The following MRPL44 variants were observed in gnomAD, a reference collection of about 807,000 sequenced individuals.
MRPL44 encodes the protein large ribosomal subunit protein mL44.
Under a neutral mutation model 25.9 loss-of-function variants are expected in MRPL44, and 21 were observed. The observed-to-expected ratio is 0.81, with a 90% CI of 0.58 to 1.17. MRPL44 has a LOEUF of 1.17. Among genes scored for constraint, MRPL44 ranks in the 50% most tolerant of loss-of-function variants. The pLI, the probability that MRPL44 is intolerant of heterozygous loss-of-function variation, is 0.00. For missense variants in MRPL44, 410 were observed against 398.9 expected, an observed-to-expected ratio of 1.03 and a Z score of -0.24; for synonymous variants, 169 against 151.0, an observed-to-expected ratio of 1.12 and a Z score of -0.87.
At chr2:223,965,194 GTTA>G (rs1689722708) in intron 3 of MRPL44, among the ~76,000 whole-genome samples, 1 of 152,128 alleles carries the variant, frequency 6.6e-6, no homozygotes, top group Admixed American at 6.5e-5. Context: ...TTCTGTGCTT[GTTA>G]TTCACTTCAA....
chr2:223,958,708 C>T (rs1689609731), intron 1 of MRPL44, among the ~76,000 whole-genome samples: 1 of 152,200 alleles, frequency 6.6e-6, no homozygotes, highest in East Asian at 1.9e-4. Flanking sequence ...GGAGGATGTG[C>T]ATAGGTTATA....
chr2:223,960,475 C>G (rs1021457398), intron 2 of MRPL44, among the ~76,000 whole-genome samples: 2 of 152,226 alleles, frequency 1.3e-5, no homozygotes, highest in Non-Finnish European at 2.9e-5. Context: ...TACAACTTGA[C>G]TCCCACTGTC....
At chr2:223,966,503 T>G (rs552757911) in intron 3 of MRPL44, among the ~76,000 whole-genome samples, 2 of 152,280 alleles carry the variant, frequency 1.3e-5, no homozygotes, top group East Asian at 1.9e-4. Flanking sequence ...AAAATAAAAA[T>G]AGTCATAATT....
intron 3 of MRPL44, among the ~76,000 whole-genome samples, chr2:223,966,267 G>C (rs955871383): frequency 2.7e-4 from 41 of 150,900 alleles, no homozygotes; most frequent in African/African-American, 9.0e-4. Flanking sequence ...GAGCCATCAT[G>C]CCCAGCCTAA....
intron 3 of MRPL44, chr2:223,965,936 A>T (rs1460620419): frequency 6.6e-6 from 1 of 151,706 alleles, no homozygotes; most frequent in Non-Finnish European, 1.5e-5. Flanking sequence ...GGGCTCAAGC[A>T]GTCCTCCTGC....
chr2:223,957,454 C>T, upstream of MRPL44: 1 of 1,614,112 alleles, frequency 6.2e-7, no homozygotes, highest in Non-Finnish European at 8.5e-7. Flanking sequence ...TTCCGTCTTC[C>T]ATCGTTTTCT....
the MRPL44 span, among the ~76,000 whole-genome samples, chr2:223,951,119 T>C: frequency 9.9e-5 from 15 of 152,228 alleles, no homozygotes; most frequent in African/African-American, 3.4e-4. Context: ...GAAGAAGGTG[T>C]TCTAAGGAGG....
At position 223,957,639 on chromosome 2, in the gene MRPL44, C is replaced by T. The variant is rs376994749; in HGVS notation, c.167C>T (p.Pro56Leu). The T allele has an allele frequency of 3.8e-5, 61 of 1,607,258 alleles. No individual in the cohort carries two copies. Among genetic ancestry groups the T allele is most frequent in the Non-Finnish European group, 5.0e-5 (59 of 1,179,430 alleles). Residue 56 changes from proline to leucine, a missense_variant, in exon 1 of 4, where the codon CCG (proline) becomes CTG (leucine). Pro to Leu is a moderately conservative substitution (Grantham distance 98, BLOSUM62 -3). Transcript: ENST00000258383. The part of the protein sequence containing the change: ...ERQRLLRCPP[P>L]PVRRSEKPNW... ...CAGCGCCTTCTGCGGTGCCCGCCGCCGCCCGTGCGCCGGTAGGAGCCACCT... is the reference window on the plus strand; with the variant it reads ...CAGCGCCTTCTGCGGTGCCCGCCGCTGCCCGTGCGCCGGTAGGAGCCACCT...
At chr2:223,966,653 A>G (rs769758935) in intron 3 of MRPL44, among the ~76,000 whole-genome samples, 3 of 152,234 alleles carry the variant, frequency 2.0e-5, no homozygotes, top group Admixed American at 1.3e-4. Flanking sequence ...TTTCTAAGGA[A>G]ACGTAAGTGT....
upstream of MRPL44, among the ~76,000 whole-genome samples, chr2:223,953,220 T>C (rs1689516640): frequency 6.6e-6 from 1 of 151,090 alleles, no homozygotes; most frequent in Admixed American, 6.6e-5. Context: ...CTGCAACCTC[T>C]AACTCCCAGA....
rs537020026 is a variant in MRPL44, at chr2:223,959,634, A to G, written c.280A>G (p.Asn94Asp). The G allele has an allele frequency of 1.2e-6, 2 of 1,614,112 alleles. No individual in the cohort carries two copies. The highest frequency in any genetic ancestry group is 2.7e-5 in the African/African-American group (2 of 74,950). Reference protein sequence around the residue: ...SLDLLKTAFVNSCYIKSEEAK... With the variant: ...SLDLLKTAFVDSCYIKSEEAK... ...AGATCTTCTCAAAACTGCATTTGTTAATAGCTGCTATATTAAAAGTGAGGA... is the reference window on the plus strand; with the variant it reads ...AGATCTTCTCAAAACTGCATTTGTTGATAGCTGCTATATTAAAAGTGAGGA... The change falls in exon 2 of 4, where the codon AAT (asparagine) becomes GAT (aspartate). Residue 94 changes from asparagine to aspartate, a missense_variant. Transcript: ENST00000258383.
intron 2 of MRPL44, 51 bp from the exon 3 acceptor site, chr2:223,963,705 C>A: frequency 3.3e-6 from 4 of 1,200,944 alleles, no homozygotes; most frequent in Non-Finnish European, 4.5e-6. Flanking sequence ...TTGAATTGTC[C>A]TAATGTTCTT....
chr2:223,963,355 A>G (rs756693030), intron 2 of MRPL44, among the ~76,000 whole-genome samples: 5 of 151,888 alleles, frequency 3.3e-5, no homozygotes, highest in Non-Finnish European at 5.9e-5. Context: ...AGCTAGGAGG[A>G]TTGCTTGAGC....
chr2:223,954,866 GC>G (rs1447208240), upstream of MRPL44, among the ~76,000 whole-genome samples: 19 of 152,260 alleles, frequency 1.2e-4, no homozygotes, highest in East Asian at 3.7e-3. Context: ...CATCTTGCTG[GC>G]CGCTAACACA....
intron 3 of MRPL44, 136 bp from the exon 4 acceptor site, chr2:223,966,727 T>A (rs1380502226): frequency 4.7e-6 from 3 of 640,902 alleles, no homozygotes; most frequent in Non-Finnish European, 7.4e-6. Context: ...CAAAAGATGA[T>A]CTATCAGAGC....
chr2:223,951,834 CTAAA>C, the MRPL44 span, among the ~76,000 whole-genome samples: 5 of 152,096 alleles, frequency 3.3e-5, no homozygotes, highest in Admixed American at 2.0e-4. Context: ...TCCTCTGACT[CTAAA>C]TACCTGTGTC....
chr2:223,958,974 T>C (rs1689613230), intron 1 of MRPL44, among the ~76,000 whole-genome samples: 1 of 152,136 alleles, frequency 6.6e-6, no homozygotes, highest in African/African-American at 2.4e-5. Flanking sequence ...CTTCAGTTTG[T>C]AAAAATAAAA....
chr2:223,958,588 A>T (rs1689607334), intron 1 of MRPL44, among the ~76,000 whole-genome samples: 1 of 152,246 alleles, frequency 6.6e-6, no homozygotes. Context: ...TGTTATATGT[A>T]TATCTTACGA....
the MRPL44 span, among the ~76,000 whole-genome samples, chr2:223,951,478 G>GTTTTTT: frequency 8.0e-5 from 9 of 112,558 alleles, no homozygotes; most frequent in African/African-American, 3.1e-4. Context: ...TTACCTTGGA[G>GTTTTTT]TTTTTTTTTT....
Sources: allele counts gnomAD v4.1 joint callset (sites outside exome capture counted in the v4.1 genomes callset), GRCh38; gene constraint gnomAD v4.1.1; transcripts MANE v1.5; gene names NCBI Gene and HGNC (gene_info 2026-07-23, HGNC 2026-07-21).